The following PCDHGA9 variants were observed in gnomAD, a reference collection of about 807,000 sequenced individuals.
The protein encoded by PCDHGA9 is protocadherin gamma-A9.
Under a neutral mutation model 62.5 loss-of-function variants are expected in PCDHGA9, and 37 were observed. The ratio of observed to expected loss-of-function variants is 0.59; its 90% CI spans 0.46 to 0.78. The LOEUF (loss-of-function observed/expected upper bound fraction) is 0.78. Ranked by LOEUF, PCDHGA9 falls within the 30% of genes least tolerant of loss-of-function variation. PCDHGA9 has a pLI of 0.00. For missense variants in PCDHGA9, 1,138 were observed against 1,166.2 expected (o/e 0.98, Z 0.35); for synonymous variants, 459 against 484.6 (o/e 0.95, Z 0.69).
At chr5:141,414,106 C>G (rs1424739885) in intron 1 of PCDHGA9, 2 of 1,592,536 alleles carry the variant, frequency 1.3e-6, no homozygotes, top group Non-Finnish European at 1.7e-6. Context: ...ATCAGAAAAT[C>G]TAGATTATGA....
chr5:141,426,642 G>T, intron 1 of PCDHGA9: 1 of 411,420 alleles, frequency 2.4e-6, no homozygotes, highest in South Asian at 1.7e-5. Context: ...TCACATAAAT[G>T]TGATGATAGA....
At chr5:141,420,770 T>G (rs1485978181) in intron 1 of PCDHGA9, among the ~76,000 whole-genome samples, 1 of 152,202 alleles carries the variant, frequency 6.6e-6, no homozygotes, top group Non-Finnish European at 1.5e-5. Flanking sequence ...AGTTTTCAGC[T>G]CCAGTAATAT....
Position 141,486,567 on chromosome 5 carries a change from C to T in PCDHGA9, c.2425-8240C>T, listed in dbSNP as rs1562113360. On this transcript the variant is annotated intron_variant, in intron 1 of 3. Transcript: ENST00000573521. The surrounding 1 kb of genome is among the most constrained non-coding windows in gnomAD (Gnocchi z 5.0). ...CAGAGGTCACATGAGGTGTTTGTTCCTGAGAACAATCGCCCAGGGGACCTG... is the reference window on the plus strand; with the variant it reads ...CAGAGGTCACATGAGGTGTTTGTTCTTGAGAACAATCGCCCAGGGGACCTG... The T allele has an allele frequency of 6.2e-7, 1 of 1,613,918 alleles. No homozygotes were observed. The highest frequency in any genetic ancestry group is 8.5e-7 in the Non-Finnish European group (1 of 1,179,986).
chr5:141,406,761 A>T (rs1327829124), intron 1 of PCDHGA9, among the ~76,000 whole-genome samples: 1 of 152,234 alleles, frequency 6.6e-6, no homozygotes. Flanking sequence ...ACAAGGAATT[A>T]AAAATATTTC....
intron 2 of PCDHGA9, 117 bp downstream of exon 2, chr5:141,494,982 G>T: frequency 1.3e-6 from 2 of 1,563,940 alleles, no homozygotes; most frequent in Non-Finnish European, 1.7e-6. Flanking sequence ...CTCAGTTTGA[G>T]ATCCCAGGGA....
chr5:141,433,159 T>C, intron 1 of PCDHGA9: 2 of 1,613,968 alleles, frequency 1.2e-6, no homozygotes, highest in Non-Finnish European at 1.7e-6. Flanking sequence ...CGGTATTTTC[T>C]AAAGACAGTC....
intron 1 of PCDHGA9, among the ~76,000 whole-genome samples, chr5:141,470,290 C>T (rs1226383020): frequency 1.3e-5 from 2 of 152,148 alleles, no homozygotes; most frequent in Non-Finnish European, 2.9e-5. Context: ...TATTGGTTAA[C>T]TGTTTTTATT....
intron 1 of PCDHGA9, chr5:141,413,590 G>A (rs759901330): frequency 1.2e-6 from 2 of 1,613,886 alleles, no homozygotes; most frequent in Non-Finnish European, 1.7e-6. Flanking sequence ...AAAATTCCAA[G>A]CAGAAAATCT....
At position 141,404,469 on chromosome 5, in the gene PCDHGA9, C is replaced by T. The variant is rs1239367876; in HGVS notation, c.1517C>T (p.Ser506Phe). The change falls in exon 1 of 4, where the codon TCT (serine) becomes TTT (phenylalanine). Residue 506 changes from serine to phenylalanine, a missense_variant. Coordinates refer to ENST00000573521, the MANE Select transcript of PCDHGA9 (RefSeq NM_018921.3). ...GGGTCTCCTCTCTCCACCTATGTCT[C>T]TATTAACTCAGACACTGGTGTGCTG... The part of the protein sequence containing the change: ...IQGSPLSTYV[S>F]INSDTGVLYA... 3 of 1,612,966 alleles carry T rather than the reference C, an allele frequency of 1.9e-6. No individual in the cohort carries two copies. The highest frequency in any genetic ancestry group is 1.3e-5 in the African/African-American group (1 of 74,908).
Position 141,412,979 on chromosome 5 carries a change from C to G in PCDHGA9, c.2424+7603C>G, listed in dbSNP as rs2154544283. ...CACCTACTAGGAGAGAAAACGCAGCCAGAGCTCAATCCGGATTCTCAGGGC... is the reference window on the plus strand; with the variant it reads ...CACCTACTAGGAGAGAAAACGCAGCGAGAGCTCAATCCGGATTCTCAGGGC... On this transcript the variant is annotated intron_variant, in intron 1 of 3. Coordinates refer to ENST00000573521, the MANE Select transcript of PCDHGA9 (RefSeq NM_018921.3). 5.5e-6 allele frequency: 3 copies of G among 542,930 alleles called. No individual in the cohort carries two copies. In the East Asian group the frequency reaches 9.2e-5, roughly 17 times the overall value. 33.6% of individuals were successfully genotyped at this position (542,930 alleles called of 1,614,324 possible). A position where few individuals can be genotyped will look rare whatever the true frequency, so the allele number is the denominator to read the frequency against.
chr5:141,462,078 C>T (rs2154567608), intron 1 of PCDHGA9, among the ~76,000 whole-genome samples: 1 of 152,304 alleles, frequency 6.6e-6, no homozygotes, highest in East Asian at 1.9e-4. Flanking sequence ...CCGCCTTGGC[C>T]TCCCAAAATG....
intron 1 of PCDHGA9, chr5:141,408,447 G>A (rs536531313): frequency 3.1e-6 from 5 of 1,614,064 alleles, no homozygotes; most frequent in Admixed American, 1.7e-5. Context: ...GCGGAGAGCG[G>A]GGACTTACTT....
chr5:141,439,625 CCA>C (rs1281773200), intron 1 of PCDHGA9, among the ~76,000 whole-genome samples: 1 of 152,150 alleles, frequency 6.6e-6, no homozygotes, highest in African/African-American at 2.4e-5. Flanking sequence ...GAGCCAATCC[CCA>C]GACATTCCGG....
chr5:141,423,572 G>T (rs1239529114), intron 1 of PCDHGA9: 2 of 1,613,510 alleles, frequency 1.2e-6, no homozygotes, highest in African/African-American at 1.3e-5. Context: ...ACGCTCATCA[G>T]CCAGGAGAGC....
At chr5:141,466,827 T>C (rs1414741980) in intron 1 of PCDHGA9, among the ~76,000 whole-genome samples, 1 of 152,194 alleles carries the variant, frequency 6.6e-6, no homozygotes, top group Admixed American at 6.5e-5. Context: ...AACAAGTTAG[T>C]ATGGGTTTAT....
Position 141,422,537 on chromosome 5 carries a change from C to T in PCDHGA9, c.2424+17161C>T, listed in dbSNP as rs993210917. 2.5e-6 allele frequency: 4 copies of T among 1,613,874 alleles called. No individual in the cohort carries two copies. Among genetic ancestry groups the T allele is most frequent in the Non-Finnish European group, 3.4e-6 (4 of 1,179,894 alleles). ...GGAAGCCCGCCTTTGTCTGCAGAAA[C>T]TCATGTCTGGCTGAATGTGGCAGAT... is the stretch of plus-strand genomic sequence containing the variant. On this transcript the variant is annotated intron_variant, in intron 1 of 3. Coordinates refer to ENST00000573521, the MANE Select transcript of PCDHGA9 (RefSeq NM_018921.3).
At chr5:141,413,561 A>G in intron 1 of PCDHGA9, 1 of 1,613,924 alleles carries the variant, frequency 6.2e-7, no homozygotes. Flanking sequence ...GAAGTAACTG[A>G]TATCAATGAC....
At chr5:141,430,331 T>C (rs1266364984) in intron 1 of PCDHGA9, among the ~76,000 whole-genome samples, 2 of 150,984 alleles carry the variant, frequency 1.3e-5, no homozygotes, top group Non-Finnish European at 2.9e-5. Context: ...TCATTGTTTA[T>C]AGAAACTTCC....
intron 1 of PCDHGA9, among the ~76,000 whole-genome samples, chr5:141,445,978 TTATAAA>T (rs551337386): frequency 6.6e-6 from 1 of 152,272 alleles, no homozygotes; most frequent in East Asian, 1.9e-4. Context: ...TTTATGAGGG[TTATAAA>T]TAGAAATAGG....
Sources: gnomAD v4.1 joint callset for allele counts (sites outside exome capture counted in the v4.1 genomes callset) on GRCh38, gnomAD v4.1.1 for gene constraint, Gnocchi (gnomAD v3.1) non-coding constraint, MANE v1.5 for transcripts, NCBI Gene and HGNC (gene_info 2026-07-23, HGNC 2026-07-21) for gene names.